MGAT4C: variants seen among roughly 807,000 people sequenced by gnomAD.
MGAT4C encodes alpha-1,3-mannosyl-glycoprotein 4-beta-N-acetylglucosaminyltransferase C.
In MGAT4C, 19 loss-of-function variants were observed where a neutral mutation model predicts 40.1. That is an observed-to-expected ratio of 0.47 (90% CI 0.33 to 0.70). The LOEUF (loss-of-function observed/expected upper bound fraction) is 0.70. Ranked by LOEUF, MGAT4C falls within the 30% of genes least tolerant of loss-of-function variation. MGAT4C has a pLI of 0.02. For missense variants in MGAT4C, 491 were observed against 563.2 expected, an observed-to-expected ratio of 0.87 and a Z score of 1.30; for synonymous variants, 181 against 187.1, an observed-to-expected ratio of 0.97 and a Z score of 0.27.
chr12:86,215,189 T>C (rs1245074181), intron 1 of MGAT4C, among the ~76,000 whole-genome samples: 3 of 152,162 alleles, frequency 2.0e-5, no homozygotes, highest in African/African-American at 4.8e-5. Context: ...CATAGACATA[T>C]GGAGCCACCT....
chr12:86,593,042 C>T (rs1961393359), intron 2 of MGAT4C, among the ~76,000 whole-genome samples: 1 of 151,776 alleles, frequency 6.6e-6, no homozygotes, highest in Non-Finnish European at 1.5e-5. Flanking sequence ...CTATCTTTTG[C>T]CTTGTCTTCC....
intron 1 of MGAT4C, among the ~76,000 whole-genome samples, chr12:86,216,417 G>A (rs1240210308): frequency 1.3e-5 from 2 of 152,244 alleles, no homozygotes; most frequent in African/African-American, 4.8e-5. Context: ...TTATTCAAAC[G>A]ATGTAGCCAT....
At chr12:86,575,703 CTTTAT>C (rs756951018) in intron 2 of MGAT4C, among the ~76,000 whole-genome samples, 169 of 151,886 alleles carry the variant, frequency 1.1e-3, no homozygotes, top group Non-Finnish European at 2.1e-3. Flanking sequence ...TGCTGATTTC[CTTTAT>C]TTTGAGTATA....
At chr12:86,007,804 A>C (rs1888050260) in intron 2 of MGAT4C, among the ~76,000 whole-genome samples, 1 of 152,056 alleles carries the variant, frequency 6.6e-6, no homozygotes, top group South Asian at 2.1e-4. Context: ...CCTAATTAGT[A>C]TCATGGAAAT....
intron 2 of MGAT4C, among the ~76,000 whole-genome samples, chr12:86,505,497 T>C (rs1441073967): frequency 2.0e-5 from 3 of 152,206 alleles, no homozygotes; most frequent in Non-Finnish European, 4.4e-5. Flanking sequence ...AGCACAAATG[T>C]CATCTTTCAA....
chr12:86,571,550 T>C (rs549437421), intron 2 of MGAT4C, among the ~76,000 whole-genome samples: 27 of 152,184 alleles, frequency 1.8e-4, no homozygotes, highest in African/African-American at 5.8e-4. Flanking sequence ...AACAAAATCC[T>C]TAATAGAGTG....
intron 2 of MGAT4C, among the ~76,000 whole-genome samples, chr12:86,438,984 C>G (rs1957183503): frequency 2.0e-5 from 3 of 151,702 alleles, no homozygotes; most frequent in Admixed American, 2.0e-4. Context: ...AAAATTATTC[C>G]TACTAAACCT....
At position 86,736,370 on chromosome 12, in the gene MGAT4C, T is replaced by C. The variant is rs186416181; in HGVS notation, c.-261-9129A>G. The stretch of plus-strand genomic sequence containing the variant: ...AGCCACTGAAACCTTACCACTTTTC[T>C]TTATGTCTCCTTCCTCACCCAACAT... On this transcript the variant is annotated intron_variant, in intron 1 of 7. Transcript: ENST00000548651. 3.1e-3 allele frequency among the ~76,000 whole-genome samples: 467 copies of C among 151,986 alleles called. 3 individuals carry two copies. The highest frequency in any genetic ancestry group is 0.014 in the Middle Eastern group (4 of 294).
At chr12:86,512,471 TTCTA>T (rs1353525337) in intron 2 of MGAT4C, among the ~76,000 whole-genome samples, 1 of 152,150 alleles carries the variant, frequency 6.6e-6, no homozygotes. Flanking sequence ...TGCACTTCTA[TTCTA>T]TCTATGAATG....
At chr12:86,121,939 A>G (rs1342860110) in intron 1 of MGAT4C, among the ~76,000 whole-genome samples, 2 of 152,218 alleles carry the variant, frequency 1.3e-5, no homozygotes, top group Non-Finnish European at 2.9e-5. Flanking sequence ...CACAATTGTG[A>G]TCATAACAGC....
intron 3 of MGAT4C, among the ~76,000 whole-genome samples, chr12:86,372,886 T>C (rs919472765): frequency 6.6e-6 from 1 of 151,698 alleles, no homozygotes; most frequent in Non-Finnish European, 1.5e-5. Context: ...AACAAGTATA[T>C]AGTTTAAATA....
intron 1 of MGAT4C, among the ~76,000 whole-genome samples, chr12:86,146,936 A>G (rs1883596900): frequency 6.6e-6 from 1 of 151,938 alleles, no homozygotes. Flanking sequence ...AACTTCACCA[A>G]CTCTGTAAAG....
chr12:86,180,581 A>T (rs839101), intron 1 of MGAT4C, among the ~76,000 whole-genome samples: 100,263 of 152,036 alleles, frequency 0.66, 33,495 homozygotes, highest in South Asian at 0.75. Context: ...CACCTCTTGC[A>T]TCAGCATGAC....
intron 3 of MGAT4C, among the ~76,000 whole-genome samples, chr12:86,346,860 G>A (rs894865249): frequency 5.9e-5 from 9 of 152,152 alleles, no homozygotes; most frequent in African/African-American, 1.7e-4. Context: ...GAAAATGTAC[G>A]TGGAAAAGTG....
chr12:86,344,746 GTGTGTGTGTA>G (rs1481924903), intron 3 of MGAT4C, among the ~76,000 whole-genome samples: 159 of 124,322 alleles, frequency 1.3e-3, no homozygotes, highest in African/African-American at 4.1e-3. Flanking sequence ...GTGTGTGTGT[GTGTGTGTGTA>G]TGTGTGTGTG....
chr12:86,324,876 G>A (rs989056929), intron 4 of MGAT4C, among the ~76,000 whole-genome samples: 4 of 152,056 alleles, frequency 2.6e-5, no homozygotes, highest in African/African-American at 9.7e-5. Context: ...AATGACAATT[G>A]TTTGTTTTTC....
chr12:86,200,761 A>G (rs1443586849), intron 1 of MGAT4C, among the ~76,000 whole-genome samples: 1 of 152,142 alleles, frequency 6.6e-6, no homozygotes, highest in Non-Finnish European at 1.5e-5. Flanking sequence ...ATATGTTGAG[A>G]CCTAAAATCC....
intron 4 of MGAT4C, among the ~76,000 whole-genome samples, chr12:86,302,728 C>G (rs1293149258): frequency 2.0e-5 from 3 of 150,676 alleles, no homozygotes; most frequent in African/African-American, 7.5e-5. Flanking sequence ...CGCACCAGGA[C>G]AGCAGCCTCT....
chr12:85,997,434 A>G (rs1886749552), intron 2 of MGAT4C, among the ~76,000 whole-genome samples: 1 of 152,030 alleles, frequency 6.6e-6, no homozygotes, highest in South Asian at 2.1e-4. Context: ...CAAAGTCTAA[A>G]CTCGTTTCAG....
Sources: allele counts gnomAD v4.1 joint callset (sites outside exome capture counted in the v4.1 genomes callset), GRCh38; gene constraint gnomAD v4.1.1; transcripts MANE v1.5; gene names NCBI Gene and HGNC (gene_info 2026-07-23, HGNC 2026-07-21).